Variants in RAP1GAP observed in about 807,000 individuals in gnomAD.
RAP1GAP encodes the protein RAP1 GTPase activating protein.
A neutral mutation model predicts 87.2 loss-of-function variants in RAP1GAP; 35 were observed. That is an observed-to-expected ratio of 0.40 (90% CI 0.31 to 0.53). RAP1GAP has a LOEUF of 0.53. Among genes scored for constraint, RAP1GAP ranks in the 20% least tolerant of loss-of-function variants. RAP1GAP has a pLI of 0.48. For synonymous variants in RAP1GAP, 375 were observed against 363.9 expected, an observed-to-expected ratio of 1.03 and a Z score of -0.35; for missense variants, 734 against 898.9, an observed-to-expected ratio of 0.82 and a Z score of 2.35.
chr1:21,628,683 G>A (rs2093012234), intron 2 of RAP1GAP, among the ~76,000 whole-genome samples: 1 of 152,168 alleles, frequency 6.6e-6, no homozygotes, highest in African/African-American at 2.4e-5. Flanking sequence ...TTGCGCCACT[G>A]CACTCCAGCC....
intron 21 of RAP1GAP, 113 bp from the exon 22 acceptor site, chr1:21,598,615 T>C (rs2794278): frequency 0.91 from 780,586 of 857,752 alleles, 355,519 homozygotes; most frequent in East Asian, 0.97. Context: ...ACCCGTACCC[T>C]CTGCGAGGAG....
intron 1 of RAP1GAP, chr1:21,651,952 G>A (rs2096609452): frequency 3.7e-6 from 3 of 809,184 alleles, no homozygotes; most frequent in Non-Finnish European, 4.5e-6. Flanking sequence ...GCCCCAGCGG[G>A]CCGCGGTCCA....
chr1:21,608,653 A>C (rs1225358144), intron 16 of RAP1GAP, among the ~76,000 whole-genome samples, 197 bp downstream of exon 16: 3 of 116,462 alleles, frequency 2.6e-5, no homozygotes, highest in African/African-American at 3.4e-5. Flanking sequence ...ACCGCCTCCC[A>C]GCATCTCCTG....
chr1:21,619,051 G>T lies in RAP1GAP; in HGVS notation c.40C>A (p.Arg14Ser), dbSNP rs145342478. The T allele has an allele frequency of 1.1e-5, 18 of 1,602,370 alleles. No homozygotes were observed. In the African/African-American group the frequency reaches 2.3e-4, roughly 20 times the overall value. ...TTGAGGGGCGGCGGGAAGGAGCAGC[G>T]TTGTTCATCCATCCTGCTTCCCTGT... ...KMQGSRMDEQ[R>S]CSFPPPLKTE... The change falls in exon 5 of 25, where the codon CGC becomes AGC. Residue 14 changes from arginine to serine, a missense_variant. Coordinates refer to ENST00000374765, the MANE Select transcript of RAP1GAP (RefSeq NM_002885.4).
At chr1:21,620,890 C>T (rs139178000) in intron 3 of RAP1GAP, among the ~76,000 whole-genome samples, 1,734 of 152,290 alleles carry the variant, frequency 0.011, 20 homozygotes, top group Non-Finnish European at 0.02. Context: ...TCCCTCCCCT[C>T]CTGCTCACAC....
chr1:21,637,977 A>G (rs2151151296), intron 2 of RAP1GAP, among the ~76,000 whole-genome samples: 1 of 149,558 alleles, frequency 6.7e-6, no homozygotes, highest in African/African-American at 2.5e-5. Flanking sequence ...TCTACCAAAA[A>G]AAAAAAAAAA....
Position 21,631,125 on chromosome 1 carries a change from C to T in RAP1GAP, c.-112-4728G>A, listed in dbSNP as rs1344103477. Among the ~76,000 whole-genome samples the T allele has an allele frequency of 2.0e-5, 3 of 152,198 alleles. No individual in the cohort carries two copies. In the South Asian group the frequency reaches 6.2e-4, roughly 31 times the overall value. Reference sequence around the variant, plus strand: ...CCCACCCTGGTCTCCTCCTGGTCTTCTCCATTCAGTTCACATCATGGATGT... The same window carrying T: ...CCCACCCTGGTCTCCTCCTGGTCTTTTCCATTCAGTTCACATCATGGATGT... On this transcript the variant is annotated intron_variant, in intron 2 of 24. Coordinates refer to ENST00000374765, the MANE Select transcript of RAP1GAP (RefSeq NM_002885.4).
At chr1:21,604,696 C>G (rs527740860) in intron 18 of RAP1GAP, among the ~76,000 whole-genome samples, 1 of 151,898 alleles carries the variant, frequency 6.6e-6, no homozygotes, top group African/African-American at 2.4e-5. Context: ...CAGCAGAGGT[C>G]GGGGAATTCC....
At chr1:21,645,256 C>T (rs2095926464) in intron 2 of RAP1GAP, among the ~76,000 whole-genome samples, 1 of 152,100 alleles carries the variant, frequency 6.6e-6, no homozygotes, top group African/African-American at 2.4e-5. Flanking sequence ...CTATTTCAGC[C>T]CACCTCTGCC....
Position 21,608,320 on chromosome 1 carries a change from G to A in RAP1GAP, c.1189C>T (p.Leu397Phe), listed in dbSNP as rs1035896400. 1.2e-6 allele frequency: 2 copies of A among 1,613,782 alleles called. No individual in the cohort carries two copies. Among genetic ancestry groups the A allele is most frequent in the Admixed American group, 1.7e-5 (1 of 60,012 alleles). ...ERTRAALLET[L>F]YEELHIHSQS... is the part of the protein sequence containing the mutation. ...CTGTGGATGTGTAGTTCCTCATAGAGCGTCTCCAGGAGGGCGGCCCGCGTC... is the reference window on the plus strand; with the variant it reads ...CTGTGGATGTGTAGTTCCTCATAGAACGTCTCCAGGAGGGCGGCCCGCGTC... The change falls in exon 17 of 25, where the codon CTC becomes TTC. Residue 397 changes from leucine to phenylalanine, a missense_variant. By Grantham distance (22) the Leu-to-Phe change is conservative. Coordinates refer to ENST00000374765, the MANE Select transcript of RAP1GAP (RefSeq NM_002885.4).
At chr1:21,605,080 G>A (rs1277072640) in intron 18 of RAP1GAP, among the ~76,000 whole-genome samples, 3 of 152,058 alleles carry the variant, frequency 2.0e-5, no homozygotes, top group Non-Finnish European at 4.4e-5. Flanking sequence ...TGGCTGGATG[G>A]ATGGGTGGGG....
At chr1:21,651,019 C>T (rs1158629001) in intron 1 of RAP1GAP, among the ~76,000 whole-genome samples, 2 of 152,196 alleles carry the variant, frequency 1.3e-5, no homozygotes, top group Admixed American at 1.3e-4. Context: ...GGTCATGGAG[C>T]CGCTTGTCTG....
chr1:21,658,322 C>T (rs2096945205), intron 1 of RAP1GAP, among the ~76,000 whole-genome samples: 1 of 152,150 alleles, frequency 6.6e-6, no homozygotes, highest in African/African-American at 2.4e-5. Flanking sequence ...AATCCCAGCA[C>T]TTTGGGAGGC....
intron 17 of RAP1GAP, among the ~76,000 whole-genome samples, chr1:21,607,521 A>G (rs1180698207): frequency 1.3e-5 from 2 of 151,124 alleles, no homozygotes; most frequent in Non-Finnish European, 3.0e-5. Context: ...TCCCTCTCCA[A>G]TGATCATGGT....
intron 1 of RAP1GAP, chr1:21,651,681 A>G (rs752397335): frequency 1.1e-6 from 1 of 898,830 alleles, no homozygotes; most frequent in South Asian, 1.4e-5. Context: ...GCCCAGGCCC[A>G]CCCGCCCAAA....
At chr1:21,599,386 C>A (rs1570390566) in intron 21 of RAP1GAP, 108 bp downstream of exon 21, 1 of 1,471,546 alleles carries the variant, frequency 6.8e-7, no homozygotes, top group East Asian at 2.3e-5. Context: ...GTCCCCTGAT[C>A]ACATCTCAGC....
chr1:21,599,701 C>T (rs1234960184), intron 20 of RAP1GAP, 84 bp from the exon 21 acceptor site: 45 of 1,515,012 alleles, frequency 3.0e-5, no homozygotes, highest in African/African-American at 6.9e-5. Context: ...CTCCCCAACC[C>T]GGGAGGCCCA....
At chr1:21,621,183 C>T (rs2087084876) in intron 3 of RAP1GAP, among the ~76,000 whole-genome samples, 1 of 152,190 alleles carries the variant, frequency 6.6e-6, no homozygotes, top group Non-Finnish European at 1.5e-5. Context: ...GCTATGGTAA[C>T]ACCACAAACC....
At chr1:21,632,928 A>G (rs1390148675) in intron 2 of RAP1GAP, among the ~76,000 whole-genome samples, 2 of 152,134 alleles carry the variant, frequency 1.3e-5, no homozygotes, top group Non-Finnish European at 2.9e-5. Context: ...ACAAAACATC[A>G]GGGTCAGACT....
Sources: gnomAD v4.1 joint callset for allele counts (sites outside exome capture counted in the v4.1 genomes callset) on GRCh38, gnomAD v4.1.1 for gene constraint, MANE v1.5 for transcripts, NCBI Gene and HGNC (gene_info 2026-07-23, HGNC 2026-07-21) for gene names.